Variants in CYP20A1 observed in about 807,000 individuals in gnomAD.
CYP20A1 encodes cytochrome P450 20A1.
CYP20A1 carries 61 observed loss-of-function variants against 61.4 expected under a neutral mutation model. That is an observed-to-expected ratio of 0.99 (90% confidence interval 0.81 to 1.23). The LOEUF (loss-of-function observed/expected upper bound fraction) is 1.23, where lower values mean the gene tolerates loss of function less well. CYP20A1 is among the 50% of genes most tolerant of loss of function. The pLI is 0.00. For synonymous variants in CYP20A1, 193 were observed against 188.2 expected (o/e 1.03, Z -0.21); for missense variants, 530 against 542.4 (o/e 0.98, Z 0.23).
In CYP20A1 at chr2:203,303,266, A is replaced by G. The variant is rs1320674060; in HGVS notation, c.*6358A>G. ...GTGATTCACACCCCTTGGCCTCCTG[A>G]AGTGCTGGGATTACAGGCATGAGCC... On this transcript the variant is annotated 3_prime_UTR_variant, in exon 13 of 13. Coordinates refer to ENST00000356079, the MANE Select transcript of CYP20A1 (RefSeq NM_177538.3). Among the ~76,000 whole-genome samples the G allele has an allele frequency of 6.7e-6, 1 of 149,506 alleles. No homozygotes were observed. Among genetic ancestry groups the G allele is most frequent in the Non-Finnish European group, 1.5e-5 (1 of 67,472 alleles).
chr2:203,292,245 A>ATTT lies in CYP20A1; in HGVS notation c.1084-8_1084-6dup. ...TCTCTGTTAGTCCTTGACTAATTGG[A>ATTT]TTTTTTTTTTTCACAGACCCTCGTC... On this transcript the variant is annotated splice_polypyrimidine_tract_variant and intron_variant, in intron 10 of 12. Transcript: ENST00000356079. The ATTT allele has an allele frequency of 7.7e-7, 1 of 1,295,814 alleles. No homozygotes were observed. The highest frequency in any genetic ancestry group is 1.1e-6 in the Non-Finnish European group (1 of 942,740). The allele number at this position is 1,295,814 out of a possible 1,614,324, so 80.3% of individuals were successfully genotyped here. A position where few individuals can be genotyped will look rare whatever the true frequency, so the allele number is the denominator to read the frequency against.
At chr2:203,243,860 T>C (rs2105892588) in intron 1 of CYP20A1, among the ~76,000 whole-genome samples, 1 of 151,986 alleles carries the variant, frequency 6.6e-6, no homozygotes, top group South Asian at 2.1e-4. Flanking sequence ...GGCGAATTTT[T>C]TGTACTTTTT....
At chr2:203,294,342 AG>A (rs2068680058) in intron 11 of CYP20A1, among the ~76,000 whole-genome samples, 1 of 151,708 alleles carries the variant, frequency 6.6e-6, no homozygotes, top group South Asian at 2.1e-4. Flanking sequence ...GTTTGAGACC[AG>A]CCTGACCAAC....
At chr2:203,284,935 G>T (rs927046678) in intron 8 of CYP20A1, among the ~76,000 whole-genome samples, 1 of 151,478 alleles carries the variant, frequency 6.6e-6, no homozygotes, top group African/African-American at 2.4e-5. Flanking sequence ...TTGTAGAGAT[G>T]GGGTTTTGCC....
intron 1 of CYP20A1, among the ~76,000 whole-genome samples, chr2:203,243,118 T>C (rs1161147558): frequency 6.6e-6 from 1 of 152,196 alleles, no homozygotes; most frequent in Non-Finnish European, 1.5e-5. Context: ...CTTCAAATCT[T>C]CTGTCTTCAC....
At chr2:203,251,912 G>A in intron 3 of CYP20A1, 55 bp from the exon 4 acceptor site, 2 of 1,374,690 alleles carry the variant, frequency 1.5e-6, no homozygotes, top group Non-Finnish European at 1.9e-6. Context: ...TCTCTTACAG[G>A]GTATCTTTTT....
At position 203,265,635 on chromosome 2, in the gene CYP20A1, G is replaced by A. The variant is rs1279609168; in HGVS notation, c.433-879G>A. Among the ~76,000 whole-genome samples the A allele has an allele frequency of 2.6e-5, 4 of 152,214 alleles. No homozygotes were observed. In the East Asian group the frequency reaches 7.7e-4, roughly 29 times the overall value. On this transcript the variant is annotated intron_variant, in intron 4 of 12. Transcript: ENST00000356079. ...GATTTTGATTCTATCGTAAATCCAG[G>A]ATGATCTCATTACAGATCCTTAATT...
chr2:203,301,872 C>T lies in CYP20A1; in HGVS notation c.*4964C>T, dbSNP rs1397300963. ...ACACAAAAATGTCAAACTCAGTTAACAGTCATAGTTTCACTATTTGAAGTT... is the reference window on the plus strand; with the variant it reads ...ACACAAAAATGTCAAACTCAGTTAATAGTCATAGTTTCACTATTTGAAGTT... On this transcript the variant is annotated 3_prime_UTR_variant, in exon 13 of 13. Coordinates refer to ENST00000356079, the MANE Select transcript of CYP20A1 (RefSeq NM_177538.3). Among the ~76,000 whole-genome samples the T allele has an allele frequency of 6.7e-6, 1 of 148,848 alleles. No homozygotes were observed. Among genetic ancestry groups the T allele is most frequent in the Non-Finnish European group, 1.5e-5 (1 of 67,502 alleles).
intron 4 of CYP20A1, among the ~76,000 whole-genome samples, chr2:203,261,292 T>A (rs2067127702): frequency 6.6e-6 from 1 of 151,934 alleles, no homozygotes; most frequent in Non-Finnish European, 1.5e-5. Context: ...GCACAGTAAC[T>A]TATGCTTATA....
chr2:203,256,601 C>T (rs762418735), intron 4 of CYP20A1, among the ~76,000 whole-genome samples: 81 of 152,084 alleles, frequency 5.3e-4, no homozygotes, highest in Admixed American at 1.8e-3. Context: ...TCAGGTGATC[C>T]GCCTGCCTCA....
intron 4 of CYP20A1, among the ~76,000 whole-genome samples, chr2:203,260,937 A>T (rs1314361291): frequency 6.6e-6 from 1 of 152,132 alleles, no homozygotes; most frequent in Non-Finnish European, 1.5e-5. Context: ...TTTAAGATTC[A>T]TAGTGCTTTC....
At chr2:203,281,689 T>G (rs895396440) in intron 8 of CYP20A1, among the ~76,000 whole-genome samples, 1 of 151,860 alleles carries the variant, frequency 6.6e-6, no homozygotes. Flanking sequence ...TAATCTCAGC[T>G]ACTGAGGAGG....
At chr2:203,279,645 A>G (rs1019069133) in intron 7 of CYP20A1, among the ~76,000 whole-genome samples, 1 of 152,212 alleles carries the variant, frequency 6.6e-6, no homozygotes, top group Non-Finnish European at 1.5e-5. Context: ...CTTCCAGGAC[A>G]GGGATGAGAT....
chr2:203,250,637 A>G (rs2066627304), intron 3 of CYP20A1, among the ~76,000 whole-genome samples: 1 of 152,244 alleles, frequency 6.6e-6, no homozygotes, highest in Non-Finnish European at 1.5e-5. Flanking sequence ...TTCTAGGCTA[A>G]TGTTGGAGAG....
chr2:203,285,299 T>C (rs2068219200), intron 8 of CYP20A1, among the ~76,000 whole-genome samples: 1 of 152,138 alleles, frequency 6.6e-6, no homozygotes, highest in Non-Finnish European at 1.5e-5. Flanking sequence ...CCTACAGATA[T>C]GATATTTATT....
In CYP20A1 at chr2:203,282,134, T is replaced by G. The variant is rs1192506852; in HGVS notation, c.850+2021T>G. On this transcript the variant is annotated intron_variant, in intron 8 of 12. Coordinates refer to ENST00000356079, the MANE Select transcript of CYP20A1 (RefSeq NM_177538.3). ...GTCACTGCAACCTCCACCTCCTCGA[T>G]TCAAGTGATTCTCCTGCCTTAGCCC... is the stretch of plus-strand genomic sequence containing the variant. Among the ~76,000 whole-genome samples, 9 of 150,082 alleles carry G rather than the reference T, an allele frequency of 6.0e-5. No homozygotes were observed. In the Admixed American group the frequency reaches 6.1e-4, roughly 10 times the overall value.
At chr2:203,290,993 A>AT (rs1404499671) in intron 10 of CYP20A1, among the ~76,000 whole-genome samples, 4 of 151,924 alleles carry the variant, frequency 2.6e-5, no homozygotes, top group Non-Finnish European at 2.9e-5. Context: ...GATTGACATT[A>AT]TTTTTTTTAA....
At chr2:203,294,567 A>G (rs748585776) in intron 11 of CYP20A1, among the ~76,000 whole-genome samples, 13 of 152,130 alleles carry the variant, frequency 8.5e-5, no homozygotes, top group Non-Finnish European at 1.5e-5. Flanking sequence ...AATCACACAT[A>G]TATAGAGTAC....
At chr2:203,240,543 G>A (rs1292413553) in intron 1 of CYP20A1, among the ~76,000 whole-genome samples, 2 of 152,200 alleles carry the variant, frequency 1.3e-5, no homozygotes, top group Non-Finnish European at 2.9e-5. Context: ...ATAAAGTTGG[G>A]GATAGGTAGA....
Sources: gnomAD v4.1 joint callset for allele counts (sites outside exome capture counted in the v4.1 genomes callset) on GRCh38, gnomAD v4.1.1 for gene constraint, MANE v1.5 for transcripts, NCBI Gene and HGNC (gene_info 2026-07-23, HGNC 2026-07-21) for gene names.